The following STARD9 variants were observed in gnomAD, a reference collection of about 807,000 sequenced individuals.
STARD9 encodes the protein StAR related lipid transfer domain containing 9, also known as stAR-related lipid transfer protein 9.
In STARD9, 346 loss-of-function variants were observed where a neutral mutation model predicts 399.8. That is an observed-to-expected ratio of 0.87 (90% CI 0.79 to 0.95). The LOEUF is 0.95. Ranked by LOEUF, STARD9 falls within the 40% of genes least tolerant of loss-of-function variation. The pLI is 0.00. For missense variants in STARD9, 5,832 were observed against 5,667.5 expected (o/e 1.03, Z -0.93); for synonymous variants, 2,203 against 2,143.5 (o/e 1.03, Z -0.77).
chr15:42,660,671 G>C (rs1323880608), intron 9 of STARD9, among the ~76,000 whole-genome samples: 3 of 151,790 alleles, frequency 2.0e-5, no homozygotes, highest in Non-Finnish European at 4.4e-5. Flanking sequence ...GGGCAGAGTA[G>C]TTTCTTCTTG....
At position 42,575,728 on chromosome 15, in the gene STARD9, C is replaced by CA. The variant is rs1169524165; in HGVS notation, c.14dup (p.Val6GlyfsTer24). ...TTGTGGCAGACGGATGGCGAACGTGCAGGTCGCCGTGCGGGTCCGGCCGCT... is the reference window on the plus strand; with the variant it reads ...TTGTGGCAGACGGATGGCGAACGTGCAAGGTCGCCGTGCGGGTCCGGCCGCT... On this transcript the variant is annotated frameshift_variant, in exon 1 of 33. Transcript: ENST00000290607. LOFTEE classifies it high-confidence loss of function. 1 of 1,536,520 alleles carries CA rather than the reference C, an allele frequency of 6.5e-7. No individual in the cohort carries two copies. The highest frequency in any genetic ancestry group is 8.7e-7 in the Non-Finnish European group (1 of 1,146,802).
In STARD9 at chr15:42,638,050, T is replaced by C; in HGVS notation, c.409T>C (p.Cys137Arg). 6.5e-7 allele frequency: 1 copy of C among 1,537,338 alleles called. No homozygotes were observed. The highest frequency in any genetic ancestry group is 8.7e-7 in the Non-Finnish European group (1 of 1,146,902). The change falls in exon 6 of 33, where the codon TGT becomes CGT. Residue 137 changes from cysteine to arginine, a missense_variant. By Grantham distance (180) the Cys-to-Arg change is radical (BLOSUM62 -3). Transcript: ENST00000290607. ...GGGTCTCTTCGTCAGGGAGAAAGACTGTGCCTCACTGCCTTCCTCCTGTAG... is the reference window on the plus strand; with the variant it reads ...GGGTCTCTTCGTCAGGGAGAAAGACCGTGCCTCACTGCCTTCCTCCTGTAG... Reference protein sequence around the residue: ...CEGLFVREKDCASLPSSCRIK... With the variant: ...CEGLFVREKDRASLPSSCRIK...
chr15:42,701,733 G>A (rs541989351), intron 26 of STARD9, among the ~76,000 whole-genome samples: 125 of 152,164 alleles, frequency 8.2e-4, no homozygotes, highest in Middle Eastern at 6.8e-3. Context: ...GGTGGCTCAC[G>A]CCTGTAATCC....
intron 16 of STARD9, chr15:42,673,170 G>A (rs1328287737): frequency 1.3e-5 from 2 of 152,070 alleles, no homozygotes; most frequent in Non-Finnish European, 2.9e-5. Flanking sequence ...GGGAGGCCAA[G>A]GCTAGCGGAT....
Position 42,686,606 on chromosome 15 carries a change from G to A in STARD9, c.5028G>A (p.Arg1676=), listed in dbSNP as rs1232033315. ...DHWSQGWAPL[R]KNSAVQPGQL... ...GGTCCCAAGGCTGGGCTCCTCTCAG[G>A]AAAAATAGTGCAGTCCAGCCAGGGC... Residue 1676 remains arginine (R), a synonymous_variant, in exon 23 of 33, where the codon AGG becomes AGA. Transcript: ENST00000290607. 1.6e-5 allele frequency: 25 copies of A among 1,537,294 alleles called. No individual in the cohort carries two copies. The highest frequency in any genetic ancestry group is 2.1e-5 in the Non-Finnish European group (24 of 1,146,950).
chr15:42,685,814 G>GCA lies in STARD9; in HGVS notation c.4241_4242dup (p.Ala1415GlnfsTer35). On this transcript the variant is annotated frameshift_variant, in exon 23 of 33. Coordinates refer to ENST00000290607, the MANE Select transcript of STARD9 (RefSeq NM_020759.3). LOFTEE classifies it high-confidence loss of function. ...AGCTCCTCTGCAGTGCAAGAGATGA[G>GCA]CACACAGCCTCTGCTGCTGATACGT... The GCA allele has an allele frequency of 6.5e-7, 1 of 1,537,202 alleles. No homozygotes were observed. The highest frequency in any genetic ancestry group is 8.7e-7 in the Non-Finnish European group (1 of 1,146,948).
chr15:42,660,575 A>C (rs541669491), intron 9 of STARD9, among the ~76,000 whole-genome samples: 5 of 151,650 alleles, frequency 3.3e-5, no homozygotes, highest in South Asian at 4.2e-4. Flanking sequence ...CAAAAAAAAA[A>C]CAGACAAACA....
chr15:42,628,854 G>A (rs1355500172), intron 3 of STARD9, among the ~76,000 whole-genome samples: 5 of 152,068 alleles, frequency 3.3e-5, no homozygotes, highest in African/African-American at 7.2e-5. Flanking sequence ...TTTGAAGTAC[G>A]GTAATATGAT....
chr15:42,690,643 C>T lies in STARD9; in HGVS notation c.9065C>T (p.Thr3022Ile). The change falls in exon 23 of 33, where the codon ACA becomes ATA. Residue 3022 changes from threonine to isoleucine, a missense_variant. Thr to Ile is a moderately conservative substitution (Grantham distance 89). This residue lies in a region of STARD9 where 5,828 missense variants were observed against 5,651.1 expected (regional missense o/e 1.03). Transcript: ENST00000290607. ...EISRGPDVHL[T>I]HGLEPKDVNR... ...TCTAGGGGACCTGATGTGCACTTGA[C>T]ACATGGCCTTGAGCCCAAAGATGTT... 6.5e-7 allele frequency: 1 copy of T among 1,537,234 alleles called. No homozygotes were observed. Among genetic ancestry groups the T allele is most frequent in the Non-Finnish European group, 8.7e-7 (1 of 1,146,904 alleles).
intron 3 of STARD9, among the ~76,000 whole-genome samples, chr15:42,595,620 A>G (rs1411738853): frequency 6.6e-6 from 1 of 152,196 alleles, no homozygotes; most frequent in Non-Finnish European, 1.5e-5. Context: ...CCTTTTTCTG[A>G]TGCATGTATG....
chr15:42,696,021 C>T (rs1372417327), intron 26 of STARD9, 141 bp downstream of exon 26: 5 of 840,408 alleles, frequency 5.9e-6, no homozygotes, highest in Admixed American at 2.9e-5. Context: ...TTCTTATGTG[C>T]AGGCCTTTGG....
chr15:42,705,739 C>A (rs1357242375), intron 26 of STARD9, among the ~76,000 whole-genome samples: 1 of 151,734 alleles, frequency 6.6e-6, no homozygotes, highest in African/African-American at 2.4e-5. Context: ...CTGCACCCAG[C>A]CTGTTGTTTG....
intron 13 of STARD9, among the ~76,000 whole-genome samples, chr15:42,664,362 T>C (rs1595730985): frequency 6.6e-6 from 1 of 152,314 alleles, no homozygotes; most frequent in Middle Eastern, 3.4e-3. Context: ...CCTGTGTTTT[T>C]GTATTTGTTT....
In STARD9 at chr15:42,675,653, C is replaced by T. The variant is rs190528678; in HGVS notation, c.1688-11C>T. 21 of 1,534,172 alleles carry T rather than the reference C, an allele frequency of 1.4e-5. No individual in the cohort carries two copies. In the South Asian group the frequency reaches 2.3e-4, roughly 17 times the overall value. ...CTGTTGATTGAATTCTCATTTGTCT[C>T]TGTGCTGCAGGAGCTGTCATAACCC... On this transcript the variant is annotated splice_polypyrimidine_tract_variant and intron_variant, in intron 18 of 32. Coordinates refer to ENST00000290607, the MANE Select transcript of STARD9 (RefSeq NM_020759.3).
Position 42,690,797 on chromosome 15 carries a change from A to G in STARD9, c.9219A>G (p.Ser3073=), listed in dbSNP as rs2060673549. Residue 3073 remains serine (S), a synonymous_variant, in exon 23 of 33, where the codon TCA becomes TCG. Coordinates refer to ENST00000290607, the MANE Select transcript of STARD9 (RefSeq NM_020759.3). ...PDVRTGSFSH[S]ATDGSVGLIG... is the part of the protein sequence containing the mutation. ...TGAGGACAGGTTCCTTCAGCCACTCAGCTACTGATGGAAGCGTGGGGTTAA... is the reference window on the plus strand; with the variant it reads ...TGAGGACAGGTTCCTTCAGCCACTCGGCTACTGATGGAAGCGTGGGGTTAA... 24 of 1,537,270 alleles carry G rather than the reference A, an allele frequency of 1.6e-5. No homozygotes were observed. The highest frequency in any genetic ancestry group is 1.9e-5 in the Non-Finnish European group (22 of 1,146,920).
At chr15:42,648,592 C>T (rs12324838) in intron 7 of STARD9, among the ~76,000 whole-genome samples, 16,691 of 152,140 alleles carry the variant, frequency 0.11, 2,514 homozygotes, top group African/African-American at 0.34. Flanking sequence ...AAGTCATCTC[C>T]TAGTCTAATT....
In STARD9 at chr15:42,665,914, C is replaced by A. The variant is rs1231755307; in HGVS notation, c.1317+66C>A. On this transcript the variant is annotated intron_variant, in intron 15 of 32. Coordinates refer to ENST00000290607, the MANE Select transcript of STARD9 (RefSeq NM_020759.3). ...TGGGAGCTCCTCCATTATTCCGGAG[C>A]TAGGTAGGGTTGCTCCCTTGGCAGG... The A allele has an allele frequency of 8.7e-6, 12 of 1,374,196 alleles. No individual in the cohort carries two copies. In the South Asian group the frequency reaches 1.5e-4, roughly 17 times the overall value. 85.1% of individuals were successfully genotyped at this position (1,374,196 alleles called of 1,614,324 possible). A position where few individuals can be genotyped will look rare whatever the true frequency, so the allele number is the denominator to read the frequency against.
chr15:42,644,757 T>C (rs901680161), intron 7 of STARD9, among the ~76,000 whole-genome samples: 1 of 152,244 alleles, frequency 6.6e-6, no homozygotes, highest in African/African-American at 2.4e-5. Flanking sequence ...TGCTGTTTGA[T>C]AGCATTTTAC....
At chr15:42,590,462 G>A (rs751607312) in intron 3 of STARD9, among the ~76,000 whole-genome samples, 4 of 152,144 alleles carry the variant, frequency 2.6e-5, no homozygotes, top group Non-Finnish European at 4.4e-5. Context: ...TCCCTTAGTG[G>A]ATATGGAGGG....
Sources: gnomAD v4.1 joint callset for allele counts (sites outside exome capture counted in the v4.1 genomes callset) on GRCh38, gnomAD v4.1.1 for gene constraint, gnomAD v4.1.1 regional missense constraint, MANE v1.5 for transcripts, NCBI Gene and HGNC (gene_info 2026-07-23, HGNC 2026-07-21) for gene names.